BCL7B: variants seen among roughly 807,000 people sequenced by gnomAD.
The protein encoded by BCL7B is BAF chromatin remodeling complex subunit BCL7B.
BCL7B carries 11 observed loss-of-function variants against 26.5 expected under a neutral mutation model. The observed-to-expected ratio is 0.42, with a 90% CI of 0.26 to 0.69. BCL7B has a LOEUF of 0.69. Among genes scored for constraint, BCL7B ranks in the 30% least tolerant of loss-of-function variants. BCL7B has a pLI of 0.28. For missense variants in BCL7B, 215 were observed against 264.4 expected, an observed-to-expected ratio of 0.81 and a Z score of 1.30; for synonymous variants, 111 against 107.9, an observed-to-expected ratio of 1.03 and a Z score of -0.18.
At chr7:73,542,878 C>T (rs1554583024) in intron 3 of BCL7B, 5 of 449,926 alleles carry the variant, frequency 1.1e-5, no homozygotes, top group Admixed American at 7.2e-5. Flanking sequence ...AGTTCACAAC[C>T]AGCCTGGACA....
At position 73,538,004 on chromosome 7, in the gene BCL7B, A is replaced by G; in HGVS notation, c.446T>C (p.Leu149Pro). 6.2e-7 allele frequency: 1 copy of G among 1,601,088 alleles called. No homozygotes were observed. Among genetic ancestry groups the G allele is most frequent in the Non-Finnish European group, 8.5e-7 (1 of 1,173,764 alleles). Residue 149 changes from leucine to proline, a missense_variant, in exon 5 of 6, where the codon CTG (leucine) becomes CCG (proline). Leu to Pro is a moderately conservative substitution (Grantham distance 98). Transcript: ENST00000223368. ...LGQEILEEPS[L>P]PSSEVADEPP... is the part of the protein sequence containing the mutation. ...TTCATCAGCAACTTCCGAGGAGGGCAGGGAGGGCTCTGAAAAGGCAGTAGG... is the reference window on the plus strand; with the variant it reads ...TTCATCAGCAACTTCCGAGGAGGGCGGGGAGGGCTCTGAAAAGGCAGTAGG...
chr7:73,545,002 T>C (rs1414964266), intron 2 of BCL7B, among the ~76,000 whole-genome samples: 4 of 151,576 alleles, frequency 2.6e-5, no homozygotes, highest in Non-Finnish European at 5.9e-5. Context: ...GAGGCTGCAG[T>C]GAGCTATGAC....
chr7:73,552,605 T>A lies in BCL7B; in HGVS notation c.93-363A>T, dbSNP rs61409966. ...ACCATCCCGGCCAACATGGTGAAAC[T>A]CTGTCGCTACAAAAAAAAAACAAAA... On this transcript the variant is annotated intron_variant, in intron 1 of 5. Coordinates refer to ENST00000223368, the MANE Select transcript of BCL7B (RefSeq NM_001707.4). Among the ~76,000 whole-genome samples the A allele has an allele frequency of 4.9e-4, 75 of 151,544 alleles. 2 individuals carry two copies. The East Asian group carries it at 0.014, about 29-fold the overall frequency.
At chr7:73,539,831 CA>C in intron 4 of BCL7B, 50 bp downstream of exon 4, 2 of 1,590,404 alleles carry the variant, frequency 1.3e-6, no homozygotes, top group South Asian at 1.1e-5. Context: ...ACAACAAGAG[CA>C]GAAAGCAAGG....
Position 73,557,472 on chromosome 7 carries a change from G to C in BCL7B, c.92+15C>G, listed in dbSNP as rs549445077. On this transcript the variant is annotated intron_variant, in intron 1 of 5. Transcript: ENST00000223368. Reference sequence around the variant, plus strand: ...TCCGCGACCCCCGCCAGCCCCCTAAGCTCCGGCCCCTCACCATTTCCGCAC... The same window carrying C: ...TCCGCGACCCCCGCCAGCCCCCTAACCTCCGGCCCCTCACCATTTCCGCAC... The C allele has an allele frequency of 7.2e-7, 1 of 1,384,912 alleles. No homozygotes were observed. Among genetic ancestry groups the C allele is most frequent in the South Asian group, 1.6e-5 (1 of 62,332 alleles). The allele number at this position is 1,384,912 out of a possible 1,614,324, so 85.8% of individuals were successfully genotyped here. A position where few individuals can be genotyped will look rare whatever the true frequency, so the allele number is the denominator to read the frequency against.
chr7:73,547,321 G>A (rs1791992779), intron 2 of BCL7B, among the ~76,000 whole-genome samples: 1 of 152,184 alleles, frequency 6.6e-6, no homozygotes, highest in Non-Finnish European at 1.5e-5. Context: ...AAGTTTGCCA[G>A]GCGTGGTGGC....
chr7:73,538,815 T>TA (rs1159395373), intron 4 of BCL7B, among the ~76,000 whole-genome samples: 6,696 of 93,494 alleles, frequency 0.072, 170 homozygotes, highest in Non-Finnish European at 0.094. Flanking sequence ...CCTATCTCTT[T>TA]AAAAAAAAAA....
intron 3 of BCL7B, among the ~76,000 whole-genome samples, chr7:73,542,654 G>A (rs976568610): frequency 4.6e-5 from 7 of 152,180 alleles, no homozygotes; most frequent in Non-Finnish European, 7.3e-5. Flanking sequence ...ACAGTACCTA[G>A]CAGGTAGGTG....
intron 3 of BCL7B, 21 bp downstream of exon 3, chr7:73,543,527 A>AG: frequency 6.2e-7 from 1 of 1,601,352 alleles, no homozygotes; most frequent in Non-Finnish European, 8.6e-7. Context: ...CCTGCAAGGA[A>AG]GACACAGAGA....
At chr7:73,544,837 T>A (rs1376028562) in intron 2 of BCL7B, among the ~76,000 whole-genome samples, 1 of 151,730 alleles carries the variant, frequency 6.6e-6, no homozygotes, top group Non-Finnish European at 1.5e-5. Flanking sequence ...GGTGGGAGGA[T>A]CCCTTGAGCC....
At chr7:73,553,970 CTTT>C (rs34326622) in intron 1 of BCL7B, among the ~76,000 whole-genome samples, 25 of 127,814 alleles carry the variant, frequency 2.0e-4, no homozygotes, top group African/African-American at 3.4e-4. Flanking sequence ...ACAAAGGAGA[CTTT>C]TTTTTTTTTT....
At chr7:73,547,522 A>G (rs1791999633) in intron 2 of BCL7B, among the ~76,000 whole-genome samples, 2 of 152,216 alleles carry the variant, frequency 1.3e-5, no homozygotes, top group African/African-American at 4.8e-5. Flanking sequence ...GATCAAATAT[A>G]GAAGAAATGC....
intron 2 of BCL7B, 28 bp downstream of exon 2, chr7:73,552,139 G>GT (rs782026864): frequency 6.5e-7 from 1 of 1,539,456 alleles, no homozygotes; most frequent in South Asian, 1.2e-5. Context: ...AAAGAAAATG[G>GT]TATCTTTTGA....
chr7:73,554,197 A>C (rs1163634985), intron 1 of BCL7B, among the ~76,000 whole-genome samples: 1 of 151,578 alleles, frequency 6.6e-6, no homozygotes, highest in Non-Finnish European at 1.5e-5. Context: ...TCCTGGGCTC[A>C]AGCGATCCTC....
intron 1 of BCL7B, chr7:73,556,980 G>A (rs879961939): frequency 1.3e-5 from 13 of 988,378 alleles, no homozygotes; most frequent in Non-Finnish European, 1.4e-5. Context: ...AAAGGGAGGG[G>A]TATCCCTCTG....
At chr7:73,549,167 T>A (rs1792067499) in intron 2 of BCL7B, among the ~76,000 whole-genome samples, 1 of 152,180 alleles carries the variant, frequency 6.6e-6, no homozygotes, top group Admixed American at 6.5e-5. Context: ...TTGTTCCTAT[T>A]GGCCCTAACT....
chr7:73,547,654 A>G (rs1298895494), intron 2 of BCL7B, among the ~76,000 whole-genome samples: 3 of 152,244 alleles, frequency 2.0e-5, no homozygotes, highest in Admixed American at 6.6e-5. Flanking sequence ...CTGAAAGAAA[A>G]TAATTTTGAA....
At chr7:73,554,473 T>C (rs1554584512) in intron 1 of BCL7B, among the ~76,000 whole-genome samples, 1 of 151,854 alleles carries the variant, frequency 6.6e-6, no homozygotes, top group East Asian at 1.9e-4. Context: ...AAGCAACTGC[T>C]GTTGTAGTTG....
intron 2 of BCL7B, among the ~76,000 whole-genome samples, chr7:73,547,303 T>C (rs1382541937): frequency 1.3e-5 from 2 of 149,288 alleles, no homozygotes; most frequent in Admixed American, 6.7e-5. Flanking sequence ...TCTCTACAAA[T>C]AATTTAAAAG....
Sources: allele counts gnomAD v4.1 joint callset (sites outside exome capture counted in the v4.1 genomes callset), GRCh38; gene constraint gnomAD v4.1.1; transcripts MANE v1.5; gene names NCBI Gene and HGNC (gene_info 2026-07-23, HGNC 2026-07-21).